The following SKAP2 variants were observed in gnomAD, a reference collection of about 807,000 sequenced individuals.
SKAP2 encodes the protein src kinase-associated phosphoprotein 2.
SKAP2 carries 28 observed loss-of-function variants against 54.9 expected under a neutral mutation model. That is an observed-to-expected ratio of 0.51 (90% CI 0.38 to 0.70). The LOEUF (loss-of-function observed/expected upper bound fraction) is 0.70, where lower values mean the gene tolerates loss of function less well. Ranked by LOEUF, SKAP2 falls within the 30% of genes least tolerant of loss-of-function variation. The probability of loss-of-function intolerance (pLI) is 0.00; values close to 1 mark genes in which losing one functional copy is unlikely to be tolerated. For missense variants in SKAP2, 356 were observed against 424.1 expected, an observed-to-expected ratio of 0.84 and a Z score of 1.41; for synonymous variants, 137 against 134.3, an observed-to-expected ratio of 1.02 and a Z score of -0.14.
At chr7:26,756,840 T>C (rs1782805155) in intron 4 of SKAP2, among the ~76,000 whole-genome samples, 1 of 152,234 alleles carries the variant, frequency 6.6e-6, no homozygotes, top group African/African-American at 2.4e-5. Context: ...CTCCAGCACC[T>C]GTAGTTTCCT....
chr7:26,770,883 C>T (rs1012023767), intron 4 of SKAP2, among the ~76,000 whole-genome samples: 8 of 151,978 alleles, frequency 5.3e-5, no homozygotes, highest in African/African-American at 1.7e-4. Flanking sequence ...AGCTGCAGAC[C>T]GGAGCTGTTC....
the SKAP2 span, among the ~76,000 whole-genome samples, chr7:26,660,814 T>C: frequency 1.3e-5 from 2 of 151,988 alleles, no homozygotes; most frequent in African/African-American, 4.8e-5. Flanking sequence ...ATAGAATTGA[T>C]TAATGGTTCA....
chr7:26,816,690 ATC>A (rs1241817317), intron 4 of SKAP2, among the ~76,000 whole-genome samples: 1 of 152,120 alleles, frequency 6.6e-6, no homozygotes, highest in Non-Finnish European at 1.5e-5. Context: ...TCAAACAACA[ATC>A]AGTAACAGAT....
intron 1 of SKAP2, among the ~76,000 whole-genome samples, chr7:26,864,084 C>CACACACACACACACACACA (rs536092948): frequency 1.3e-5 from 2 of 149,926 alleles, no homozygotes; most frequent in Admixed American, 6.6e-5. Flanking sequence ...CACACACACA[C>CACACACACACACACACACA]CGTCTTCACA....
chr7:26,660,620 G>T, the SKAP2 span, among the ~76,000 whole-genome samples: 1 of 152,072 alleles, frequency 6.6e-6, no homozygotes, highest in Admixed American at 6.6e-5. Flanking sequence ...TTTAATCACA[G>T]TTGCCACAAT....
chr7:26,677,956 T>C (rs543684669), intron 11 of SKAP2, among the ~76,000 whole-genome samples: 25 of 152,338 alleles, frequency 1.6e-4, no homozygotes, highest in Non-Finnish European at 3.1e-4. Flanking sequence ...ACCTCTGATA[T>C]AGAAGAAAAG....
intron 4 of SKAP2, among the ~76,000 whole-genome samples, chr7:26,758,324 A>G (rs1273129650): frequency 6.6e-6 from 1 of 152,208 alleles, no homozygotes; most frequent in Non-Finnish European, 1.5e-5. Flanking sequence ...AAGTAATTTA[A>G]GTCGATTTAT....
At chr7:26,698,346 GGGTCAAAGCTATTTTCATA>G (rs1786941257) in intron 9 of SKAP2, among the ~76,000 whole-genome samples, 1 of 152,090 alleles carries the variant, frequency 6.6e-6, no homozygotes, top group Non-Finnish European at 1.5e-5. Flanking sequence ...AGGGTCTGTG[GGGTCAAAGCTATTTTCATA>G]ATAATACTAA....
At chr7:26,776,731 C>G (rs1197366691) in intron 4 of SKAP2, among the ~76,000 whole-genome samples, 1 of 152,166 alleles carries the variant, frequency 6.6e-6, no homozygotes, top group Non-Finnish European at 1.5e-5. Flanking sequence ...CAAGGCCATT[C>G]TCCATACTTC....
chr7:26,744,325 T>A (rs1782515082), intron 4 of SKAP2, among the ~76,000 whole-genome samples: 1 of 152,166 alleles, frequency 6.6e-6, no homozygotes, highest in Admixed American at 6.5e-5. Flanking sequence ...GTAGGAAGTA[T>A]CACTTAGTGA....
intron 4 of SKAP2, among the ~76,000 whole-genome samples, chr7:26,776,599 C>G (rs1005362583): frequency 2.0e-5 from 3 of 152,124 alleles, no homozygotes; most frequent in Admixed American, 2.0e-4. Flanking sequence ...CCCATCAACT[C>G]TATCTCCGAA....
intron 5 of SKAP2, 45 bp from the exon 6 acceptor site, chr7:26,738,923 A>G: frequency 9.1e-7 from 1 of 1,096,396 alleles, no homozygotes; most frequent in Non-Finnish European, 1.4e-6. Flanking sequence ...CTTACTGTAA[A>G]AGAAAAAGTT....
At chr7:26,731,149 A>C (rs1419387928) in intron 6 of SKAP2, among the ~76,000 whole-genome samples, 3 of 152,290 alleles carry the variant, frequency 2.0e-5, no homozygotes, top group Admixed American at 1.3e-4. Context: ...AGTATATTTT[A>C]AGAATCACCT....
intron 9 of SKAP2, among the ~76,000 whole-genome samples, chr7:26,698,618 T>C (rs572811000): frequency 1.3e-5 from 2 of 152,350 alleles, no homozygotes; most frequent in South Asian, 4.1e-4. Context: ...ATCAGAAGAA[T>C]GTATAAAGCA....
At chr7:26,758,414 G>A (rs140324910) in intron 4 of SKAP2, among the ~76,000 whole-genome samples, 12 of 152,200 alleles carry the variant, frequency 7.9e-5, no homozygotes, top group African/African-American at 2.6e-4. Context: ...TAGTTTTATA[G>A]TACAATGATA....
rs1000519233 is a variant in SKAP2, at chr7:26,856,063, T to C, written c.68-1173A>G. ...TATGTGATAGAATGTTTGTAATTCT[T>C]GATTACAAAAGTATCTTGATCCAAT... On this transcript the variant is annotated intron_variant, in intron 1 of 12. Coordinates refer to ENST00000345317, the MANE Select transcript of SKAP2 (RefSeq NM_003930.5). Among the ~76,000 whole-genome samples the C allele has an allele frequency of 7.2e-5, 11 of 152,282 alleles. No individual in the cohort carries two copies. In the East Asian group the frequency reaches 2.1e-3, roughly 29 times the overall value.
At position 26,669,138 on chromosome 7, in the gene SKAP2, TAAC is replaced by T. The variant is rs1183144639; in HGVS notation, c.*525_*527del. On this transcript the variant is annotated 3_prime_UTR_variant, in exon 13 of 13. Transcript: ENST00000345317. The stretch of plus-strand genomic sequence containing the variant: ...GAATTAAATGTGTGAAAATAAATAA[TAAC>T]AATAAAGTTATCTATAAAGTTTGAA... 3.3e-5 allele frequency: 5 copies of T among 152,168 alleles called. No homozygotes were observed. 9.4% of individuals were successfully genotyped at this position (152,168 alleles called of 1,614,324 possible).
At chr7:26,854,187 A>T in intron 2 of SKAP2, 25 bp from the exon 3 acceptor site, 1 of 1,512,588 alleles carries the variant, frequency 6.6e-7, no homozygotes, top group South Asian at 1.2e-5. Context: ...ACATATTTTT[A>T]AATGAGGTTG....
intron 11 of SKAP2, among the ~76,000 whole-genome samples, chr7:26,672,530 T>C (rs559611485): frequency 6.6e-5 from 10 of 152,098 alleles, no homozygotes; most frequent in Non-Finnish European, 7.4e-5. Context: ...TTGAAAAACA[T>C]AGGAAACATA....
Sources: allele counts gnomAD v4.1 joint callset (sites outside exome capture counted in the v4.1 genomes callset), GRCh38; gene constraint gnomAD v4.1.1; transcripts MANE v1.5; gene names NCBI Gene and HGNC (gene_info 2026-07-23, HGNC 2026-07-21).